The following CLTC variants were observed in gnomAD, a reference collection of about 807,000 sequenced individuals.
CLTC encodes the protein clathrin heavy chain.
Under a neutral mutation model 195.8 loss-of-function variants are expected in CLTC, and 16 were observed. The ratio of observed to expected loss-of-function variants is 0.08; its 90% CI spans 0.06 to 0.12. The LOEUF is 0.12. CLTC is among the 10% of genes least tolerant of loss of function. The probability of loss-of-function intolerance (pLI) is 1.00; values close to 1 mark genes in which losing one functional copy is unlikely to be tolerated. For synonymous variants in CLTC, 667 were observed against 689.4 expected (o/e 0.97, Z 0.51); for missense variants, 796 against 2,027.0 (o/e 0.39, Z 11.66).
intron 1 of CLTC, among the ~76,000 whole-genome samples, chr17:59,641,625 A>AAAAAAAAAG (rs2032037999): frequency 6.6e-6 from 1 of 151,222 alleles, no homozygotes; most frequent in Non-Finnish European, 1.5e-5. Flanking sequence ...AAAAAAAAAA[A>AAAAAAAAAG]AAGAGTTTGT....
chr17:59,637,932 G>A (rs2031916713), intron 1 of CLTC, among the ~76,000 whole-genome samples: 1 of 150,178 alleles, frequency 6.7e-6, no homozygotes, highest in African/African-American at 2.5e-5. Context: ...AAAAGAATTG[G>A]AAGTCCTAAA....
chr17:59,676,119 T>C (rs1204973520), intron 16 of CLTC, among the ~76,000 whole-genome samples: 4 of 152,192 alleles, frequency 2.6e-5, no homozygotes, highest in Admixed American at 6.5e-5. Context: ...GGTGAGAGGA[T>C]TGCTTGAGCC....
At chr17:59,642,262 T>C (rs1285436023) in intron 1 of CLTC, among the ~76,000 whole-genome samples, 1 of 152,142 alleles carries the variant, frequency 6.6e-6, no homozygotes, top group African/African-American at 2.4e-5. Context: ...TGTCTGTGGT[T>C]TGCTTCCTTT....
At position 59,648,191 on chromosome 17, in the gene CLTC, GTT is replaced by G. The variant is rs2032243629; in HGVS notation, c.520-45_520-44del. On this transcript the variant is annotated intron_variant, in intron 3 of 31. Transcript: ENST00000269122. This position sits in a 1 kb window ranked among gnomAD's most constrained non-coding sequence, Gnocchi z 4.5. ...ATTTCATTACTTGATGAATCTGAGA[GTT>G]TTTGATTTATGGGTCTTCAAACGTT... 6.6e-7 allele frequency: 1 copy of G among 1,526,560 alleles called. No individual in the cohort carries two copies. Among genetic ancestry groups the G allele is most frequent in the East Asian group, 2.3e-5 (1 of 43,980 alleles). The allele number at this position is 1,526,560 out of a possible 1,614,324, so 94.6% of individuals were successfully genotyped here. A position where few individuals can be genotyped will look rare whatever the true frequency, so the allele number is the denominator to read the frequency against.
Position 59,682,997 on chromosome 17 carries a change from C to G in CLTC, c.3856C>G (p.Leu1286Val). The change falls in exon 24 of 32, where the codon CTT (leucine) becomes GTT (valine). Residue 1286 changes from leucine (L) to valine (V), a missense_variant. By Grantham distance (32) the Leu-to-Val change is conservative (BLOSUM62 1). Around this residue, in one of 9 missense-constraint regions of CLTC, gnomAD observed 102 missense variants for 317.6 expected, o/e 0.32. Transcript: ENST00000269122. The surrounding 1 kb of genome is among the most constrained non-coding windows in gnomAD (Gnocchi z 6.8). ...TGTACATGCAGATGAATTAGAAGAA[C>G]TTATCAACTACTATCAGGTATTAAC... is the stretch of plus-strand genomic sequence containing the variant. ...IVVHADELEE[L>V]INYYQDRGYF... 1 of 1,614,038 alleles carries G rather than the reference C, an allele frequency of 6.2e-7. No homozygotes were observed. Among genetic ancestry groups the G allele is most frequent in the Non-Finnish European group, 8.5e-7 (1 of 1,179,948 alleles).
intron 30 of CLTC, chr17:59,689,859 G>T (rs1355149840): frequency 6.6e-6 from 1 of 152,122 alleles, no homozygotes; most frequent in Admixed American, 6.5e-5. Flanking sequence ...GTTTGCCAAG[G>T]TCACACAACT....
chr17:59,676,501 A>G (rs780167102), intron 16 of CLTC, among the ~76,000 whole-genome samples: 15 of 152,222 alleles, frequency 9.9e-5, no homozygotes, highest in Non-Finnish European at 2.1e-4. Flanking sequence ...AAGAAAGGAC[A>G]CTGTATGAAT....
At chr17:59,692,230 T>C (rs1263002953) in intron 31 of CLTC, among the ~76,000 whole-genome samples, 1 of 152,188 alleles carries the variant, frequency 6.6e-6, no homozygotes, top group Non-Finnish European at 1.5e-5. Flanking sequence ...GGCAGGAGAA[T>C]TGCTTGAACC....
At chr17:59,668,305 C>A (rs1257512532) in intron 13 of CLTC, among the ~76,000 whole-genome samples, 1 of 152,086 alleles carries the variant, frequency 6.6e-6, no homozygotes, top group African/African-American at 2.4e-5. Context: ...TTTAATAATC[C>A]CAGTGCTTTG....
chr17:59,662,096 C>T (rs1052332318), intron 8 of CLTC, among the ~76,000 whole-genome samples: 3 of 148,494 alleles, frequency 2.0e-5, no homozygotes, highest in Admixed American at 6.7e-5. Context: ...GAACGAGACT[C>T]GGTCTTAAAA....
chr17:59,646,392 A>G (rs2032195702), intron 2 of CLTC, among the ~76,000 whole-genome samples: 2 of 152,146 alleles, frequency 1.3e-5, no homozygotes, highest in African/African-American at 4.8e-5. Context: ...TCTTCATTTT[A>G]TGAAAGAAAT....
chr17:59,647,764 C>T lies in CLTC; in HGVS notation c.519+98C>T, dbSNP rs2032231597. 2.8e-6 allele frequency: 3 copies of T among 1,075,280 alleles called. No individual in the cohort carries two copies. In the East Asian group the frequency reaches 7.2e-5, roughly 26 times the overall value. The allele number at this position is 1,075,280 out of a possible 1,614,324, so 66.6% of individuals were successfully genotyped here. ...GAAATTAGGTCTTTCTATACTCAAT[C>T]CTGTTGAATTTCACTTATTTTGGAA... On this transcript the variant is annotated intron_variant, in intron 3 of 31. Transcript: ENST00000269122.
chr17:59,660,305 TC>T, intron 6 of CLTC, 85 bp from the exon 7 acceptor site: 3 of 1,116,284 alleles, frequency 2.7e-6, no homozygotes, highest in Non-Finnish European at 3.9e-6. Flanking sequence ...CCTTTGTGAC[TC>T]AGTATTAACC....
At chr17:59,656,666 A>ATTTTTTTTTT (rs55669818) in intron 6 of CLTC, among the ~76,000 whole-genome samples, 21 of 96,216 alleles carry the variant, frequency 2.2e-4, no homozygotes, top group African/African-American at 3.5e-4. Flanking sequence ...TATTATTTTA[A>ATTTTTTTTTT]TTTTTTTTTT....
chr17:59,688,847 ATTTTTCTTCT>A, intron 30 of CLTC, among the ~76,000 whole-genome samples: 1 of 151,976 alleles, frequency 6.6e-6, no homozygotes, highest in Middle Eastern at 3.4e-3. Flanking sequence ...TGGTTGTTTC[ATTTTTCTTCT>A]TTTTTCTTAG....
At chr17:59,643,084 G>T (rs1363574929) in intron 1 of CLTC, among the ~76,000 whole-genome samples, 2 of 151,772 alleles carry the variant, frequency 1.3e-5, no homozygotes, top group Non-Finnish European at 2.9e-5. Flanking sequence ...GAGGACAAGG[G>T]TGACAGAAAG....
At chr17:59,687,121 T>C (rs2033201424) in intron 30 of CLTC, 2 of 539,732 alleles carry the variant, frequency 3.7e-6, no homozygotes, top group South Asian at 8.1e-5. Context: ...CTGCTGCTTT[T>C]TCCCCCCAAT....
intron 16 of CLTC, among the ~76,000 whole-genome samples, chr17:59,676,420 C>T (rs1056431244): frequency 3.3e-5 from 5 of 152,226 alleles, no homozygotes; most frequent in Admixed American, 3.3e-4. Context: ...ATAATCTGGC[C>T]TATGTAATAT....
intron 31 of CLTC, among the ~76,000 whole-genome samples, chr17:59,691,400 G>A (rs529984176): frequency 2.0e-4 from 30 of 152,070 alleles, no homozygotes; most frequent in African/African-American, 6.7e-4. Context: ...TGAGGCGGGC[G>A]GATCACAAGG....
Sources: gnomAD v4.1 joint callset for allele counts (sites outside exome capture counted in the v4.1 genomes callset) on GRCh38, gnomAD v4.1.1 for gene constraint, gnomAD v4.1.1 regional missense constraint, Gnocchi (gnomAD v3.1) non-coding constraint, MANE v1.5 for transcripts, NCBI Gene and HGNC (gene_info 2026-07-23, HGNC 2026-07-21) for gene names.